STRN: variants seen among roughly 807,000 people sequenced by gnomAD.
STRN encodes striatin, also known as protein phosphatase 2 regulatory subunit B'''alpha.
Under a neutral mutation model 96.3 loss-of-function variants are expected in STRN, and 53 were observed. The observed-to-expected ratio is 0.55, with a 90% CI of 0.44 to 0.69. The LOEUF (loss-of-function observed/expected upper bound fraction) is 0.69, where lower values mean the gene tolerates loss of function less well. STRN is among the 30% of genes least tolerant of loss of function. The pLI is 0.00. For synonymous variants in STRN, 428 were observed against 355.9 expected (o/e 1.20, Z -2.28); for missense variants, 987 against 963.9 (o/e 1.02, Z -0.32).
At chr2:36,884,755 T>G (rs140070943) in intron 8 of STRN, among the ~76,000 whole-genome samples, 227 of 152,244 alleles carry the variant, frequency 1.5e-3, no homozygotes, top group African/African-American at 5.3e-3. Context: ...AGTACAGGAT[T>G]TGACTGGAAA....
chr2:36,874,390 A>G (rs551206099), intron 10 of STRN, among the ~76,000 whole-genome samples: 1 of 152,254 alleles, frequency 6.6e-6, no homozygotes, highest in South Asian at 2.1e-4. Flanking sequence ...GGAATAGGAG[A>G]CAGAGGTCAC....
intron 3 of STRN, among the ~76,000 whole-genome samples, chr2:36,910,227 A>G (rs1349530740): frequency 6.6e-6 from 1 of 152,030 alleles, no homozygotes; most frequent in East Asian, 1.9e-4. Flanking sequence ...GCAAAAATTC[A>G]TTACTTGCAT....
chr2:36,939,488 C>A (rs1558661827), intron 1 of STRN, among the ~76,000 whole-genome samples: 1 of 152,092 alleles, frequency 6.6e-6, no homozygotes, highest in African/African-American at 2.4e-5. Flanking sequence ...AGGTAGGAAT[C>A]AAAAATAGAT....
intron 10 of STRN, among the ~76,000 whole-genome samples, chr2:36,874,886 A>G (rs1668862172): frequency 6.6e-6 from 1 of 152,224 alleles, no homozygotes; most frequent in Non-Finnish European, 1.5e-5. Flanking sequence ...AGGTGAAAAG[A>G]AAGTGATCCC....
At chr2:36,867,247 G>C (rs1668651593) in intron 12 of STRN, among the ~76,000 whole-genome samples, 1 of 152,068 alleles carries the variant, frequency 6.6e-6, no homozygotes, top group African/African-American at 2.4e-5. Flanking sequence ...GCTGAGGTGG[G>C]TGGATCACTT....
intron 1 of STRN, among the ~76,000 whole-genome samples, chr2:36,952,180 T>C (rs1664770225): frequency 6.6e-6 from 1 of 152,236 alleles, no homozygotes; most frequent in Non-Finnish European, 1.5e-5. Context: ...TATATACATC[T>C]ATATACTATT....
At chr2:36,912,230 T>G (rs969080387) in intron 3 of STRN, among the ~76,000 whole-genome samples, 1 of 152,170 alleles carries the variant, frequency 6.6e-6, no homozygotes, top group African/African-American at 2.4e-5. Context: ...AAGACACACA[T>G]CACACGTGTG....
At chr2:36,904,829 A>G (rs527766763) in intron 4 of STRN, among the ~76,000 whole-genome samples, 1 of 150,692 alleles carries the variant, frequency 6.6e-6, no homozygotes, top group East Asian at 2.2e-4. Flanking sequence ...CTCCATCTCA[A>G]ATGAATGACT....
chr2:36,954,520 GAAA>G (rs35594116), intron 1 of STRN, among the ~76,000 whole-genome samples: 5 of 84,896 alleles, frequency 5.9e-5, no homozygotes, highest in East Asian at 4.2e-4. Flanking sequence ...TCAAACAGGG[GAAA>G]AAAAAAAAAA....
rs558647620 is a variant in STRN, at chr2:36,848,647, G to A, written c.*809C>T. ...AGAAATTATTAAAGAGATATGCCCT[G>A]TTTACCCTTAAAAATAAACAGAATT... is the stretch of plus-strand genomic sequence containing the variant. On this transcript the variant is annotated 3_prime_UTR_variant, in exon 18 of 18. Transcript: ENST00000263918. The A allele has an allele frequency of 3.9e-5, 6 of 152,216 alleles. No individual in the cohort carries two copies. The highest frequency in any genetic ancestry group is 3.4e-3 in the Middle Eastern group (1 of 294). 9.4% of individuals were successfully genotyped at this position (152,216 alleles called of 1,614,324 possible). A position where few individuals can be genotyped will look rare whatever the true frequency, so the allele number is the denominator to read the frequency against.
rs181604431 is a variant in STRN, at chr2:36,872,915, G to A, written c.1324-3186C>T. 7.2e-3 allele frequency among the ~76,000 whole-genome samples: 1,102 copies of A among 152,302 alleles called. 8 individuals carry two copies. The highest frequency in any genetic ancestry group is 0.013 in the Non-Finnish European group (915 of 68,032). On this transcript the variant is annotated intron_variant, in intron 10 of 17. Transcript: ENST00000263918. The stretch of plus-strand genomic sequence containing the variant: ...CAGGCCAAAATCCAGAGAACAGAGA[G>A]GCCTAAAAGGTGAGCCCAATATTTC...
chr2:36,889,618 T>TG (rs1307730262), intron 7 of STRN, among the ~76,000 whole-genome samples: 11 of 91,210 alleles, frequency 1.2e-4, no homozygotes, highest in African/African-American at 3.1e-4. Flanking sequence ...TTCTTTTTTT[T>TG]GGGGGGGGTG....
chr2:36,918,712 G>A (rs1185281507), intron 2 of STRN, among the ~76,000 whole-genome samples: 7 of 152,100 alleles, frequency 4.6e-5, no homozygotes, highest in East Asian at 1.9e-4. Context: ...CTACTGAATT[G>A]TTACATTCAC....
At position 36,857,116 on chromosome 2, in the gene STRN, C is replaced by T. The variant is rs557207436; in HGVS notation, c.1837+740G>A. Among the ~76,000 whole-genome samples, 4 of 148,020 alleles carry T rather than the reference C, an allele frequency of 2.7e-5. No homozygotes were observed. The South Asian group carries it at 6.4e-4, about 24-fold the overall frequency. The stretch of plus-strand genomic sequence containing the variant: ...TTTTTTTTTAAAGAAAATGTAGAGA[C>T]AGGGCCTCGCTATGTTGCCCAGCTG... On this transcript the variant is annotated intron_variant, in intron 14 of 17. Coordinates refer to ENST00000263918, the MANE Select transcript of STRN (RefSeq NM_003162.4).
intron 10 of STRN, among the ~76,000 whole-genome samples, chr2:36,871,035 A>T (rs1668748527): frequency 6.6e-6 from 1 of 152,250 alleles, no homozygotes; most frequent in African/African-American, 2.4e-5. Context: ...AAGGATATAA[A>T]GGAAGAGAAT....
intron 1 of STRN, among the ~76,000 whole-genome samples, chr2:36,965,207 C>T (rs1665129425): frequency 6.6e-6 from 1 of 152,202 alleles, no homozygotes; most frequent in Non-Finnish European, 1.5e-5. Context: ...AAACTATACT[C>T]AAATTTCATA....
chr2:36,864,290 C>G lies in STRN; in HGVS notation c.1548-3037G>C, dbSNP rs574346043. On this transcript the variant is annotated intron_variant, in intron 12 of 17. Coordinates refer to ENST00000263918, the MANE Select transcript of STRN (RefSeq NM_003162.4). Reference sequence around the variant, plus strand: ...TCAGTATGATTTTGCAGGCTGTGAGCTTGTCATAGATGGCTCTTAATATTT... The same window carrying G: ...TCAGTATGATTTTGCAGGCTGTGAGGTTGTCATAGATGGCTCTTAATATTT... Among the ~76,000 whole-genome samples the G allele has an allele frequency of 2.6e-3, 390 of 152,222 alleles. 2 individuals carry two copies. Among genetic ancestry groups the G allele is most frequent in the Non-Finnish European group, 4.5e-3 (307 of 67,986 alleles).
rs1184654715 is a variant in STRN, at chr2:36,842,204, T to TA, written c.*7251dup. The TA allele has an allele frequency of 6.6e-6, 1 of 152,202 alleles. No individual in the cohort carries two copies. Among genetic ancestry groups the TA allele is most frequent in the African/African-American group, 2.4e-5 (1 of 41,450 alleles). The allele number at this position is 152,202 out of a possible 1,614,324, so 9.4% of individuals were successfully genotyped here. On this transcript the variant is annotated 3_prime_UTR_variant, in exon 18 of 18. Coordinates refer to ENST00000263918, the MANE Select transcript of STRN (RefSeq NM_003162.4). ...TTGCTTTCCATGTGCTTTTTTTTCT[T>TA]AAAGTTTTCAGTTTGGGCATATTTA...
intron 8 of STRN, among the ~76,000 whole-genome samples, chr2:36,885,427 A>G (rs1215756378): frequency 6.6e-6 from 1 of 152,176 alleles, no homozygotes; most frequent in African/African-American, 2.4e-5. Flanking sequence ...TCAAAAGCCA[A>G]GACAAATCAT....
Sources: gnomAD v4.1 joint callset for allele counts (sites outside exome capture counted in the v4.1 genomes callset) on GRCh38, gnomAD v4.1.1 for gene constraint, MANE v1.5 for transcripts, NCBI Gene and HGNC (gene_info 2026-07-23, HGNC 2026-07-21) for gene names.